SLC35F1: variants seen among roughly 807,000 people sequenced by gnomAD.
SLC35F1 encodes the protein solute carrier family 35 member F1, also known as chromosome 6 open reading frame 169.
Under a neutral mutation model 48.7 loss-of-function variants are expected in SLC35F1, and 14 were observed. The ratio of observed to expected loss-of-function variants is 0.29; its 90% CI spans 0.19 to 0.45. The LOEUF is 0.45. Ranked by LOEUF, SLC35F1 falls within the 20% of genes least tolerant of loss-of-function variation. The pLI is 1.00. For missense variants in SLC35F1, 404 were observed against 500.0 expected (o/e 0.81, Z 1.83); for synonymous variants, 190 against 202.2 (o/e 0.94, Z 0.51).
At chr6:118,046,447 G>A (rs113801353) in intron 1 of SLC35F1, among the ~76,000 whole-genome samples, 22 of 152,224 alleles carry the variant, frequency 1.4e-4, no homozygotes, top group African/African-American at 4.6e-4. Context: ...ACTTATTACC[G>A]AGTGCTCTTG....
At chr6:117,929,134 C>A (rs182838649) in intron 1 of SLC35F1, among the ~76,000 whole-genome samples, 27 of 152,220 alleles carry the variant, frequency 1.8e-4, no homozygotes, top group African/African-American at 5.1e-4. Flanking sequence ...ACTCTTCTTT[C>A]TTACCCCTCT....
intron 1 of SLC35F1, among the ~76,000 whole-genome samples, chr6:118,076,875 C>G (rs1033589497): frequency 4.6e-5 from 7 of 151,976 alleles, no homozygotes; most frequent in Non-Finnish European, 7.4e-5. Flanking sequence ...GGCTTAGACG[C>G]TTTACCATAT....
At chr6:118,019,407 A>G (rs1237578511) in intron 1 of SLC35F1, among the ~76,000 whole-genome samples, 1 of 152,272 alleles carries the variant, frequency 6.6e-6, no homozygotes, top group East Asian at 1.9e-4. Flanking sequence ...GAATCACTTG[A>G]GGTCAGAAGT....
intron 1 of SLC35F1, among the ~76,000 whole-genome samples, chr6:118,116,432 G>A (rs1254774799): frequency 4.6e-5 from 7 of 152,136 alleles, no homozygotes; most frequent in African/African-American, 1.4e-4. Flanking sequence ...TGTGGTCAAC[G>A]TTTTGCAACT....
intron 2 of SLC35F1, among the ~76,000 whole-genome samples, chr6:118,210,361 T>C (rs753492898): frequency 2.0e-5 from 3 of 152,206 alleles, no homozygotes; most frequent in Non-Finnish European, 2.9e-5. Context: ...GCCTAATCTA[T>C]GGAAAGTCTT....
At chr6:118,183,136 G>C (rs1046655234) in intron 2 of SLC35F1, among the ~76,000 whole-genome samples, 1 of 152,166 alleles carries the variant, frequency 6.6e-6, no homozygotes, top group Non-Finnish European at 1.5e-5. Context: ...TAGATGTCTT[G>C]AAATACCACT....
In SLC35F1 at chr6:118,043,423, C is replaced by CT. The variant is rs372396768; in HGVS notation, c.174-111011dup. ...AGGATTTATATTTTTCTTAAATGGA[C>CT]TTTTTTTTTTTGCAATTTATGTAGT... is the stretch of plus-strand genomic sequence containing the variant. On this transcript the variant is annotated intron_variant, in intron 1 of 7. Coordinates refer to ENST00000360388, the MANE Select transcript of SLC35F1 (RefSeq NM_001029858.4). Among the ~76,000 whole-genome samples, 596 of 143,732 alleles carry CT rather than the reference C, an allele frequency of 4.1e-3. 1 individual carries two copies. The highest frequency in any genetic ancestry group is 0.01 in the East Asian group (50 of 4,942). 94.3% of individuals were successfully genotyped at this position (143,732 alleles called of 152,430 possible).
At chr6:118,285,374 C>G in intron 7 of SLC35F1, 36 bp downstream of exon 7, 1 of 1,610,158 alleles carries the variant, frequency 6.2e-7, no homozygotes, top group Non-Finnish European at 8.5e-7. Context: ...GAAGATGATA[C>G]TTTGTAGGAA....
intron 1 of SLC35F1, among the ~76,000 whole-genome samples, chr6:117,987,476 T>C (rs1003365340): frequency 6.6e-6 from 1 of 151,930 alleles, no homozygotes; most frequent in African/African-American, 2.4e-5. Context: ...ATCCTCTTTC[T>C]TCTTCCCTCC....
intron 2 of SLC35F1, among the ~76,000 whole-genome samples, chr6:118,183,117 T>C (rs1774607083): frequency 6.6e-6 from 1 of 152,208 alleles, no homozygotes; most frequent in African/African-American, 2.4e-5. Flanking sequence ...CAATCCATCA[T>C]GGTAACTCTA....
At chr6:118,309,750 G>T (rs1368154688) in intron 7 of SLC35F1, among the ~76,000 whole-genome samples, 1 of 152,128 alleles carries the variant, frequency 6.6e-6, no homozygotes, top group African/African-American at 2.4e-5. Context: ...TGAAAATTTG[G>T]TCTGTGATGT....
chr6:118,051,059 C>T (rs28585368), intron 1 of SLC35F1, among the ~76,000 whole-genome samples: 26,893 of 152,018 alleles, frequency 0.18, 2,609 homozygotes, highest in Admixed American at 0.28. Context: ...CATTAAAGGA[C>T]ATATGTTAAG....
chr6:118,062,929 G>T (rs1427187966), intron 1 of SLC35F1, among the ~76,000 whole-genome samples: 2 of 151,950 alleles, frequency 1.3e-5, no homozygotes, highest in African/African-American at 4.8e-5. Flanking sequence ...TAGGGGGTGA[G>T]TAATATTTGC....
chr6:118,070,740 G>A (rs1424229363), intron 1 of SLC35F1, among the ~76,000 whole-genome samples: 1 of 149,402 alleles, frequency 6.7e-6, no homozygotes, highest in Non-Finnish European at 1.5e-5. Context: ...TCTTATGATA[G>A]ATGAATACTT....
intron 1 of SLC35F1, among the ~76,000 whole-genome samples, chr6:118,075,472 T>C (rs1772805030): frequency 6.6e-6 from 1 of 152,244 alleles, no homozygotes; most frequent in Admixed American, 6.5e-5. Flanking sequence ...ATTTTATAAC[T>C]GTAAGCCAAT....
intron 1 of SLC35F1, among the ~76,000 whole-genome samples, chr6:117,966,923 A>G (rs1195429273): frequency 6.6e-6 from 1 of 152,192 alleles, no homozygotes; most frequent in Non-Finnish European, 1.5e-5. Flanking sequence ...AGTGCATCAC[A>G]AGAGGGTAGG....
chr6:118,100,061 G>T (rs922340768), intron 1 of SLC35F1, among the ~76,000 whole-genome samples: 1 of 152,084 alleles, frequency 6.6e-6, no homozygotes, highest in Non-Finnish European at 1.5e-5. Context: ...AATAAGGTTG[G>T]TATTATTATT....
At chr6:118,112,698 C>A (rs1582672303) in intron 1 of SLC35F1, among the ~76,000 whole-genome samples, 1 of 151,938 alleles carries the variant, frequency 6.6e-6, no homozygotes, top group South Asian at 2.1e-4. Flanking sequence ...AGGACAACCA[C>A]TAAAAATGTT....
At chr6:118,229,967 A>T (rs1240627022) in intron 2 of SLC35F1, among the ~76,000 whole-genome samples, 1 of 152,210 alleles carries the variant, frequency 6.6e-6, no homozygotes, top group African/African-American at 2.4e-5. Flanking sequence ...TATGTTTTAC[A>T]CATTTGCCAT....
Sources: gnomAD v4.1 joint callset for allele counts (sites outside exome capture counted in the v4.1 genomes callset) on GRCh38, gnomAD v4.1.1 for gene constraint, MANE v1.5 for transcripts, NCBI Gene and HGNC (gene_info 2026-07-23, HGNC 2026-07-21) for gene names.